The following FRMPD2 variants were observed in gnomAD, a reference collection of about 807,000 sequenced individuals.
FRMPD2 encodes FERM and PDZ domain containing 2.
Under a neutral mutation model 140.1 loss-of-function variants are expected in FRMPD2, and 96 were observed. The observed-to-expected ratio is 0.69, with a 90% CI of 0.58 to 0.81. FRMPD2 has a LOEUF of 0.81. FRMPD2 is among the 40% of genes least tolerant of loss of function. The probability of loss-of-function intolerance (pLI) is 0.00; values close to 1 mark genes in which losing one functional copy is unlikely to be tolerated. For missense variants in FRMPD2, 1,240 were observed against 1,447.4 expected (o/e 0.86, Z 2.32); for synonymous variants, 449 against 547.6 (o/e 0.82, Z 2.52).
At chr10:48,190,464 A>G (rs1436154316) in intron 16 of FRMPD2, among the ~76,000 whole-genome samples, 2 of 152,140 alleles carry the variant, frequency 1.3e-5, no homozygotes, top group Non-Finnish European at 2.9e-5. Context: ...GTTGCCCTCA[A>G]CAGCTACCTG....
intron 18 of FRMPD2, 74 bp from the exon 19 acceptor site, chr10:48,184,955 C>T (rs1838643919): frequency 2.7e-6 from 3 of 1,092,664 alleles, no homozygotes; most frequent in Admixed American, 2.1e-5. Flanking sequence ...TAGGTTATTT[C>T]CCTCATATCA....
intron 15 of FRMPD2, among the ~76,000 whole-genome samples, chr10:48,197,790 C>T (rs574829099): frequency 3.3e-5 from 5 of 152,334 alleles, no homozygotes; most frequent in African/African-American, 9.6e-5. Context: ...GAATTCCATG[C>T]TCTGGCTGGT....
At chr10:48,206,971 C>T (rs774057917) in intron 13 of FRMPD2, 38 bp from the exon 14 acceptor site, 1 of 1,598,248 alleles carries the variant, frequency 6.3e-7, no homozygotes, top group Admixed American at 1.7e-5. Context: ...GAGACAGGCA[C>T]ATGGTTTAAA....
intron 18 of FRMPD2, 146 bp downstream of exon 18, chr10:48,185,407 A>C: frequency 1.6e-6 from 1 of 627,450 alleles, no homozygotes; most frequent in Non-Finnish European, 2.8e-6. Context: ...AAGGGAGAAA[A>C]AAAACAGAAG....
intron 8 of FRMPD2, among the ~76,000 whole-genome samples, chr10:48,237,388 G>A (rs1273110110): frequency 1.3e-5 from 2 of 152,150 alleles, no homozygotes; most frequent in African/African-American, 4.8e-5. Context: ...AGTTCATGGA[G>A]GCCAGAGAAG....
At chr10:48,206,625 A>C (rs1441987571) in intron 14 of FRMPD2, 123 bp downstream of exon 14, 1 of 724,970 alleles carries the variant, frequency 1.4e-6, no homozygotes, top group East Asian at 2.6e-5. Flanking sequence ...TAACAAACAG[A>C]CAGGCTGTGA....
chr10:48,265,918 A>G (rs912521662), intron 1 of FRMPD2, among the ~76,000 whole-genome samples: 1 of 152,212 alleles, frequency 6.6e-6, no homozygotes, highest in South Asian at 2.1e-4. Context: ...ACGCATGTGT[A>G]TATTCATTGC....
At position 48,192,724 on chromosome 10, in the gene FRMPD2, C is replaced by A. The variant is rs1838859819; in HGVS notation, c.2125G>T (p.Asp709Tyr). 3 of 1,614,180 alleles carry A rather than the reference C, an allele frequency of 1.9e-6. No individual in the cohort carries two copies. The highest frequency in any genetic ancestry group is 2.5e-6 in the Non-Finnish European group (3 of 1,180,040). Reference protein sequence around the residue: ...LSTSMDNFNVDGSKEAGAEGI... With the variant: ...LSTSMDNFNVYGSKEAGAEGI... The stretch of plus-strand genomic sequence containing the variant: ...TCTGCTCCAGCCTCCTTGCTGCCGT[C>A]CACGTTGAAGTTATCCATTGATGTA... The change falls in exon 16 of 29, where the codon GAC becomes TAC. Residue 709 changes from aspartate (D) to tyrosine (Y), a missense_variant. Around this residue, in one of 6 missense-constraint regions of FRMPD2, gnomAD observed 1,161 missense variants for 1,055.9 expected, o/e 1.10. Transcript: ENST00000374201.
At chr10:48,208,174 G>A (rs1003170503) in intron 13 of FRMPD2, among the ~76,000 whole-genome samples, 7 of 152,076 alleles carry the variant, frequency 4.6e-5, no homozygotes, top group Non-Finnish European at 1.0e-4. Context: ...AAAAAGCAGG[G>A]CCACCACAAG....
intron 3 of FRMPD2, 58 bp downstream of exon 3, chr10:48,248,963 G>C: frequency 1.3e-6 from 2 of 1,486,896 alleles, no homozygotes; most frequent in Admixed American, 2.0e-5. Context: ...GCTGCCGCTG[G>C]GACAGGCCTT....
intron 1 of FRMPD2, among the ~76,000 whole-genome samples, chr10:48,269,264 G>A (rs1840728551): frequency 1.3e-5 from 2 of 152,150 alleles, no homozygotes; most frequent in South Asian, 4.1e-4. Flanking sequence ...CCATTAACAT[G>A]GGAATTAAAT....
intron 1 of FRMPD2, among the ~76,000 whole-genome samples, chr10:48,254,099 C>T (rs1459966542): frequency 1.3e-5 from 2 of 152,026 alleles, no homozygotes; most frequent in Admixed American, 1.3e-4. Context: ...TTCCAATGCA[C>T]AAGCACGATC....
intron 14 of FRMPD2, among the ~76,000 whole-genome samples, chr10:48,201,979 G>A (rs1442388474): frequency 1.3e-5 from 2 of 151,434 alleles, no homozygotes; most frequent in Admixed American, 6.6e-5. Context: ...AGGAATTGAG[G>A]TCACACCACA....
intron 1 of FRMPD2, among the ~76,000 whole-genome samples, chr10:48,266,556 T>A (rs1179637044): frequency 6.6e-6 from 1 of 152,196 alleles, no homozygotes; most frequent in African/African-American, 2.4e-5. Flanking sequence ...ATTTAACTGA[T>A]CTTTGACAAA....
chr10:48,226,221 A>G (rs1839718221), intron 10 of FRMPD2, among the ~76,000 whole-genome samples: 1 of 152,226 alleles, frequency 6.6e-6, no homozygotes, highest in African/African-American at 2.4e-5. Flanking sequence ...TTCAATTGGC[A>G]TCTTGAGGCT....
chr10:48,233,632 ATG>A (rs759830669), intron 9 of FRMPD2, among the ~76,000 whole-genome samples: 2 of 152,088 alleles, frequency 1.3e-5, no homozygotes, highest in Non-Finnish European at 2.9e-5. Context: ...TGTGTTTGGA[ATG>A]TGTGTTTTCT....
At position 48,192,801 on chromosome 10, in the gene FRMPD2, T is replaced by C. The variant is rs768286419; in HGVS notation, c.2048A>G (p.Glu683Gly). ...LIWIQRLSCS[E>G]NELFVSRLQG... ...AAGCCTGGATACAAACAACTCGTTT[T>C]CTGAGCATGACAATCTCTGAATCCA... The change falls in exon 16 of 29, where the codon GAA becomes GGA. Residue 683 changes from glutamate (E) to glycine (G), a missense_variant. Around this residue, in one of 6 missense-constraint regions of FRMPD2, gnomAD observed 1,161 missense variants for 1,055.9 expected, o/e 1.10. Transcript: ENST00000374201. The C allele has an allele frequency of 1.1e-5, 17 of 1,614,188 alleles. No individual in the cohort carries two copies. The South Asian group carries it at 1.9e-4, about 18-fold the overall frequency.
At position 48,201,275 on chromosome 10, in the gene FRMPD2, C is replaced by A; in HGVS notation, c.1907G>T (p.Gly636Val). 2 of 1,613,406 alleles carry A rather than the reference C, an allele frequency of 1.2e-6. No individual in the cohort carries two copies. Among genetic ancestry groups the A allele is most frequent in the Non-Finnish European group, 1.7e-6 (2 of 1,179,650 alleles). The change falls in exon 15 of 29, where the codon GGG becomes GTG. Residue 636 changes from glycine to valine, a missense_variant. Physicochemically the swap from Gly to Val is moderately radical, Grantham distance 109. Around this residue, in one of 6 missense-constraint regions of FRMPD2, gnomAD observed 1,161 missense variants for 1,055.9 expected, o/e 1.10. Coordinates refer to ENST00000374201, the MANE Select transcript of FRMPD2 (RefSeq NM_001018071.4). ...CCCAGAGCCCATCTGTGCATTAAAC[C>A]CATGCTGGGCTGAGCAGAGGTCCAG... Reference protein sequence around the residue: ...YLLDLCSAQHGFNAQMGSGQP... With the variant: ...YLLDLCSAQHVFNAQMGSGQP...
intron 1 of FRMPD2, among the ~76,000 whole-genome samples, chr10:48,274,195 C>A (rs958613962): frequency 6.6e-6 from 1 of 152,160 alleles, no homozygotes; most frequent in South Asian, 2.1e-4. Context: ...GCATTATTAT[C>A]CCCATTTTAC....
Sources: allele counts gnomAD v4.1 joint callset (sites outside exome capture counted in the v4.1 genomes callset), GRCh38; gene constraint gnomAD v4.1.1; regional missense constraint gnomAD v4.1.1; transcripts MANE v1.5; gene names NCBI Gene and HGNC (gene_info 2026-07-23, HGNC 2026-07-21).